ACOX2: variants seen among roughly 807,000 people sequenced by gnomAD.
ACOX2 encodes the protein peroxisomal acyl-coenzyme A oxidase 2.
ACOX2 carries 59 observed loss-of-function variants against 77.5 expected under a neutral mutation model. The observed-to-expected ratio is 0.76, with a 90% CI of 0.62 to 0.95. ACOX2 has a LOEUF of 0.95. Among genes scored for constraint, ACOX2 ranks in the 40% least tolerant of loss-of-function variants. The pLI, the probability that ACOX2 is intolerant of heterozygous loss-of-function variation, is 0.00. For missense variants in ACOX2, 837 were observed against 880.4 expected (o/e 0.95, Z 0.62); for synonymous variants, 317 against 340.1 (o/e 0.93, Z 0.75).
At chr3:58,530,380 T>C in intron 8 of ACOX2, 86 bp downstream of exon 8, 1 of 1,539,582 alleles carries the variant, frequency 6.5e-7, no homozygotes, top group Non-Finnish European at 8.8e-7. Flanking sequence ...GCACTCTGGC[T>C]CTGGCAGAAG....
chr3:58,505,230 C>T lies in ACOX2; in HGVS notation c.2040G>A (p.Lys680=). 1 of 1,613,024 alleles carries T rather than the reference C, an allele frequency of 6.2e-7. No individual in the cohort carries two copies. Among genetic ancestry groups the T allele is most frequent in the East Asian group, 2.2e-5 (1 of 44,796 alleles). Reference sequence around the variant, plus strand: ...TTGAATACTGTTGGTTATTTCATAGCTTGGATCTCCAACTTTGTAAAAGTG... The same window carrying T: ...TTGAATACTGTTGGTTATTTCATAGTTTGGATCTCCAACTTTGTAAAAGTG... The part of the protein sequence containing the change: ...IRPLLQSWRS[K]L The change falls in exon 15 of 15, where the codon AAG becomes AAA. Residue 680 remains lysine (K), a synonymous_variant. Transcript: ENST00000302819. This position sits in a 1 kb window ranked among gnomAD's most constrained non-coding sequence, Gnocchi z 4.4.
Position 58,521,652 on chromosome 3 carries a change from C to T in ACOX2, c.1632+844G>A, listed in dbSNP as rs1034599775. 2.6e-5 allele frequency among the ~76,000 whole-genome samples: 4 copies of T among 152,216 alleles called. No individual in the cohort carries two copies. Among genetic ancestry groups the T allele is most frequent in the Non-Finnish European group, 4.4e-5 (3 of 68,032 alleles). On this transcript the variant is annotated intron_variant, in intron 12 of 14. Coordinates refer to ENST00000302819, the MANE Select transcript of ACOX2 (RefSeq NM_003500.4). This position sits in a 1 kb window ranked among gnomAD's most constrained non-coding sequence, Gnocchi z 4.8. ...TTCTAGAATGAAACTGATCACTTTA[C>T]CCCACCTCCAAACAAACTCAGCAAA...
In ACOX2 at chr3:58,533,511, C is replaced by T. The variant is rs145801962; in HGVS notation, c.517G>A (p.Ala173Thr). The T allele has an allele frequency of 4.0e-5, 64 of 1,613,802 alleles. No individual in the cohort carries two copies. In the Admixed American group the frequency reaches 9.8e-4, roughly 25 times the overall value. Residue 173 changes from alanine (A) to threonine (T), a missense_variant, in exon 5 of 15, where the codon GCA becomes ACA. Transcript: ENST00000302819. The surrounding 1 kb of genome is among the most constrained non-coding windows in gnomAD (Gnocchi z 5.6). ...TGTATCACAAACTCCTGGGTGGCTG[C>T]GTCATAGGTGGCTTCAGTCTCCAGG... ...QGLETEATYD[A>T]ATQEFVIHSP...
rs748537387 is a variant in ACOX2, at chr3:58,524,600, A to G, written c.1352T>C (p.Leu451Pro). 3 of 1,613,910 alleles carry G rather than the reference A, an allele frequency of 1.9e-6. No individual in the cohort carries two copies. The South Asian group carries it at 3.3e-5, about 18-fold the overall frequency. ...CTGAGTCTGCAGGTAGCTCTTCACC[A>G]GGAACCTGGGGGTTGGAAGAGGAGG... The part of the protein sequence containing the change: ...TVLYLQVARF[L>P]VKSYLQTQMS... Residue 451 changes from leucine to proline, a missense_variant, in exon 11 of 15, where the codon CTG becomes CCG. Physicochemically the swap from Leu to Pro is moderately conservative, Grantham distance 98. Coordinates refer to ENST00000302819, the MANE Select transcript of ACOX2 (RefSeq NM_003500.4). The surrounding 1 kb of genome is among the most constrained non-coding windows in gnomAD (Gnocchi z 5.5).
chr3:58,530,102 G>A (rs1343802686), intron 8 of ACOX2, among the ~76,000 whole-genome samples: 1 of 152,240 alleles, frequency 6.6e-6, no homozygotes, highest in African/African-American at 2.4e-5. Context: ...GCAACTGGCT[G>A]ACCCAGACCC....
Position 58,528,653 on chromosome 3 carries a change from G to T in ACOX2, c.1155+141C>A. On this transcript the variant is annotated intron_variant, in intron 9 of 14. Coordinates refer to ENST00000302819, the MANE Select transcript of ACOX2 (RefSeq NM_003500.4). This position sits in a 1 kb window ranked among gnomAD's most constrained non-coding sequence, Gnocchi z 5.6. ...TATATACCAGGGTGCCGTTCACCCA[G>T]ACGCCCTGGGATGCTGAAAGCTGGG... is the stretch of plus-strand genomic sequence containing the variant. 2 of 1,118,178 alleles carry T rather than the reference G, an allele frequency of 1.8e-6. No homozygotes were observed. Among genetic ancestry groups the T allele is most frequent in the Non-Finnish European group, 1.2e-6 (1 of 824,886 alleles). The allele number at this position is 1,118,178 out of a possible 1,614,324, so 69.3% of individuals were successfully genotyped here. A position where few individuals can be genotyped will look rare whatever the true frequency, so the allele number is the denominator to read the frequency against.
rs1230625507 is a variant in ACOX2 at position 58,528,185 on chromosome 3, T to C, written c.1155+609A>G. On this transcript the variant is annotated intron_variant, in intron 9 of 14. Transcript: ENST00000302819. The surrounding 1 kb of genome is among the most constrained non-coding windows in gnomAD (Gnocchi z 5.6). ...TGTCCCTTGATCTCTCTGTGCCTCA[T>C]TGCAGTTGGAAGGGTTAATGAGCAG... Among the ~76,000 whole-genome samples the C allele has an allele frequency of 2.0e-5, 3 of 152,186 alleles. No homozygotes were observed. The highest frequency in any genetic ancestry group is 1.5e-5 in the Non-Finnish European group (1 of 68,028).
chr3:58,530,488 G>C lies in ACOX2; in HGVS notation c.970C>G (p.Arg324Gly). Residue 324 changes from arginine (R) to glycine (G), a missense_variant, in exon 8 of 15, where the codon CGC becomes GGC. Arg to Gly is a moderately radical substitution (Grantham distance 125). Transcript: ENST00000302819. The part of the protein sequence containing the change: ...VIAMRYSVIR[R>G]QSRLRPSDPE... ...TGCCTGGGCCGGAGCCGGGATTGGC[G>C]GCGGATGACCGAGTAGCGCATGGCG... is the stretch of plus-strand genomic sequence containing the variant. 6.2e-7 allele frequency: 1 copy of C among 1,614,146 alleles called. No individual in the cohort carries two copies. Among genetic ancestry groups the C allele is most frequent in the South Asian group, 1.1e-5 (1 of 91,086 alleles).
rs141959795 is a variant in ACOX2, at chr3:58,515,804, G to T, written c.1850+1402C>A. 6.6e-6 allele frequency among the ~76,000 whole-genome samples: 1 copy of T among 151,862 alleles called. No individual in the cohort carries two copies. Among genetic ancestry groups the T allele is most frequent in the South Asian group, 2.1e-4 (1 of 4,818 alleles). ...TTTTCTTTCCTTTTTTTGAGACAAGGTCTCACTTTGTTGCCCAGGCTGGAG... is the reference window on the plus strand; with the variant it reads ...TTTTCTTTCCTTTTTTTGAGACAAGTTCTCACTTTGTTGCCCAGGCTGGAG... On this transcript the variant is annotated intron_variant, in intron 13 of 14. Coordinates refer to ENST00000302819, the MANE Select transcript of ACOX2 (RefSeq NM_003500.4). This position sits in a 1 kb window ranked among gnomAD's most constrained non-coding sequence, Gnocchi z 4.0.
chr3:58,526,358 T>C lies in ACOX2; in HGVS notation c.1346+108A>G. ...AATTGGACAGCTCCCAAATAGCACT[T>C]CGCAAAGCCTGCTCTTTTTATGGGC... On this transcript the variant is annotated intron_variant, in intron 10 of 14. Transcript: ENST00000302819. This position sits in a 1 kb window ranked among gnomAD's most constrained non-coding sequence, Gnocchi z 4.3. 7.6e-7 allele frequency: 1 copy of C among 1,315,592 alleles called. No individual in the cohort carries two copies. Among genetic ancestry groups the C allele is most frequent in the South Asian group, 1.5e-5 (1 of 65,022 alleles). The allele number at this position is 1,315,592 out of a possible 1,614,324, so 81.5% of individuals were successfully genotyped here.
chr3:58,534,894 C>A lies in ACOX2; in HGVS notation c.160+53G>T. On this transcript the variant is annotated intron_variant, in intron 2 of 14. Transcript: ENST00000302819. The surrounding 1 kb of genome is among the most constrained non-coding windows in gnomAD (Gnocchi z 4.8). Reference sequence around the variant, plus strand: ...AACTGCTAATGAAGGACTCTTCTTACAAGAGAAGCATGGGGCATAAAACAG... The same window carrying A: ...AACTGCTAATGAAGGACTCTTCTTAAAAGAGAAGCATGGGGCATAAAACAG... The A allele has an allele frequency of 6.2e-7, 1 of 1,609,520 alleles. No individual in the cohort carries two copies. The highest frequency in any genetic ancestry group is 8.5e-7 in the Non-Finnish European group (1 of 1,176,480).
chr3:58,526,842 C>T lies in ACOX2; in HGVS notation c.1156-186G>A. 1.6e-6 allele frequency: 1 copy of T among 606,222 alleles called. No individual in the cohort carries two copies. The highest frequency in any genetic ancestry group is 2.8e-6 in the Non-Finnish European group (1 of 353,982). 37.6% of individuals were successfully genotyped at this position (606,222 alleles called of 1,614,324 possible). A position where few individuals can be genotyped will look rare whatever the true frequency, so the allele number is the denominator to read the frequency against. On this transcript the variant is annotated intron_variant, in intron 9 of 14. Transcript: ENST00000302819. This position sits in a 1 kb window ranked among gnomAD's most constrained non-coding sequence, Gnocchi z 4.3. The stretch of plus-strand genomic sequence containing the variant: ...AGCTTATGTGACTCACCCAGAGGCA[C>T]ACAATTAGGCAATGTAGCTGTAGGG...
chr3:58,518,083 A>G (rs1182314836), intron 12 of ACOX2, among the ~76,000 whole-genome samples: 1 of 150,570 alleles, frequency 6.6e-6, no homozygotes, highest in Non-Finnish European at 1.5e-5. Context: ...CTCAAAAAAA[A>G]AAAAAAAAAA....
At chr3:58,529,906 G>T (rs1425038413) in intron 8 of ACOX2, among the ~76,000 whole-genome samples, 1 of 152,214 alleles carries the variant, frequency 6.6e-6, no homozygotes, top group Non-Finnish European at 1.5e-5. Context: ...TCTGTGCTGT[G>T]GGGTGGAGGG....
At chr3:58,518,673 C>G (rs1448652964) in intron 12 of ACOX2, among the ~76,000 whole-genome samples, 2 of 152,164 alleles carry the variant, frequency 1.3e-5, no homozygotes, top group Admixed American at 6.5e-5. Flanking sequence ...ACTCTGTCAC[C>G]CAGGCTGAAG....
At chr3:58,513,815 T>A (rs917946373) in intron 13 of ACOX2, among the ~76,000 whole-genome samples, 8 of 152,202 alleles carry the variant, frequency 5.3e-5, no homozygotes, top group African/African-American at 1.4e-4. Context: ...AACTTGTGGC[T>A]ATGCTTGCTA....
Position 58,505,368 on chromosome 3 carries a change from G to C in ACOX2, c.1984-82C>G, listed in dbSNP as rs2063227035. The C allele has an allele frequency of 8.1e-6, 9 of 1,110,886 alleles. No individual in the cohort carries two copies. The South Asian group carries it at 1.5e-4, about 19-fold the overall frequency. 68.8% of individuals were successfully genotyped at this position (1,110,886 alleles called of 1,614,324 possible). On this transcript the variant is annotated intron_variant, in intron 14 of 14. Coordinates refer to ENST00000302819, the MANE Select transcript of ACOX2 (RefSeq NM_003500.4). The surrounding 1 kb of genome is among the most constrained non-coding windows in gnomAD (Gnocchi z 4.4). ...CTTTCACTTTCAAATTAAGTCTCTA[G>C]CTTCAAAAAGTAACATTACGTAAGA... is the stretch of plus-strand genomic sequence containing the variant.
At position 58,508,933 on chromosome 3, in the gene ACOX2, C is replaced by A; in HGVS notation, c.1943G>T (p.Arg648Leu). Residue 648 changes from arginine (R) to leucine (L), a missense_variant, in exon 14 of 15, where the codon CGC becomes CTC. By Grantham distance (102) the Arg-to-Leu change is moderately radical. Transcript: ENST00000302819. Reference protein sequence around the residue: ...LGCYDGNVYERLFQWAQKSPT... With the variant: ...LGCYDGNVYELLFQWAQKSPT... ...TGACTTCTGAGCCCACTGGAACAGG[C>A]GTTCGTAGACGTTTCCATCATAACA... 1 of 1,614,164 alleles carries A rather than the reference C, an allele frequency of 6.2e-7. No individual in the cohort carries two copies. The highest frequency in any genetic ancestry group is 8.5e-7 in the Non-Finnish European group (1 of 1,180,020).
chr3:58,530,685 G>T, intron 7 of ACOX2, 47 bp from the exon 8 acceptor site: 1 of 1,573,508 alleles, frequency 6.4e-7, no homozygotes, highest in Non-Finnish European at 8.7e-7. Context: ...AGGCTTCCCA[G>T]GATGCCCTCG....
Sources: gnomAD v4.1 joint callset for allele counts (sites outside exome capture counted in the v4.1 genomes callset) on GRCh38, gnomAD v4.1.1 for gene constraint, Gnocchi (gnomAD v3.1) non-coding constraint, MANE v1.5 for transcripts, NCBI Gene and HGNC (gene_info 2026-07-23, HGNC 2026-07-21) for gene names.